MICU3: variants seen among roughly 807,000 people sequenced by gnomAD.
The protein encoded by MICU3 is calcium uptake protein 3, mitochondrial.
A neutral mutation model predicts 66.5 loss-of-function variants in MICU3; 62 were observed. The ratio of observed to expected loss-of-function variants is 0.93; its 90% CI spans 0.76 to 1.15. The LOEUF (loss-of-function observed/expected upper bound fraction) is 1.15. Ranked by LOEUF, MICU3 falls within the 50% of genes most tolerant of loss-of-function variation. MICU3 has a pLI of 0.00. For missense variants in MICU3, 779 were observed against 664.4 expected, an observed-to-expected ratio of 1.17 and a Z score of -1.90; for synonymous variants, 308 against 240.7, an observed-to-expected ratio of 1.28 and a Z score of -2.59.
intron 6 of MICU3, among the ~76,000 whole-genome samples, chr8:17,086,007 G>A (rs954690839): frequency 6.6e-6 from 1 of 151,886 alleles, no homozygotes; most frequent in Non-Finnish European, 1.5e-5. Flanking sequence ...TACTATTAAT[G>A]TATTCCTTAG....
chr8:17,087,432 GAT>G (rs1387238722), intron 7 of MICU3, among the ~76,000 whole-genome samples: 1 of 151,894 alleles, frequency 6.6e-6, no homozygotes, highest in East Asian at 1.9e-4. Context: ...AGAAGGAGAT[GAT>G]ATGTTTTCTT....
rs116534944 is a variant in MICU3 at position 17,067,182 on chromosome 8, T to G, written c.536-2506T>G. Reference sequence around the variant, plus strand: ...AGGAAAAGAATAGAACAATGTTTCATGTACTGAGTATTAAATCAGATATGT... The same window carrying G: ...AGGAAAAGAATAGAACAATGTTTCAGGTACTGAGTATTAAATCAGATATGT... On this transcript the variant is annotated intron_variant, in intron 2 of 14. Transcript: ENST00000318063. 5.6e-3 allele frequency among the ~76,000 whole-genome samples: 850 copies of G among 152,340 alleles called. 8 individuals carry two copies. Among genetic ancestry groups the G allele is most frequent in the African/African-American group, 0.02 (816 of 41,590 alleles).
chr8:17,129,405 A>G, the MICU3 span, among the ~76,000 whole-genome samples: 2,069 of 152,352 alleles, frequency 0.014, 54 homozygotes, highest in African/African-American at 0.047. Flanking sequence ...TTTAAGTAAA[A>G]ATAATAGCAT....
chr8:17,090,495 G>A, intron 7 of MICU3, 51 bp from the exon 8 acceptor site: 1 of 1,526,228 alleles, frequency 6.6e-7, no homozygotes, highest in South Asian at 1.2e-5. Flanking sequence ...GCTGTACTTG[G>A]GTTCATTCTG....
chr8:17,066,517 C>CTATATATATATATATATATA (rs71212675), intron 2 of MICU3, among the ~76,000 whole-genome samples: 30 of 105,008 alleles, frequency 2.9e-4, no homozygotes, highest in African/African-American at 1.1e-3. Flanking sequence ...TGTTAATAAT[C>CTATATATATATATATATATA]TATATATATA....
intron 2 of MICU3, among the ~76,000 whole-genome samples, chr8:17,068,552 T>A (rs1367866323): frequency 2.0e-5 from 3 of 152,196 alleles, no homozygotes; most frequent in Non-Finnish European, 2.9e-5. Context: ...AGTGTCATAG[T>A]TAAGTTTACA....
At chr8:17,049,596 G>C (rs772129681) in intron 1 of MICU3, 5 of 518,566 alleles carry the variant, frequency 9.6e-6, no homozygotes. Context: ...ACTAGGAAGG[G>C]ATGAAGCTGG....
chr8:17,044,778 G>A (rs1814780042), intron 1 of MICU3, among the ~76,000 whole-genome samples: 1 of 152,188 alleles, frequency 6.6e-6, no homozygotes, highest in African/African-American at 2.4e-5. Flanking sequence ...AAATAACATA[G>A]GCTGAAATAA....
intron 8 of MICU3, among the ~76,000 whole-genome samples, chr8:17,096,572 T>C (rs1049830699): frequency 7.9e-5 from 12 of 151,838 alleles, no homozygotes; most frequent in African/African-American, 2.2e-4. Context: ...ATGTTGTTTC[T>C]GCCCTCAGAA....
At chr8:17,073,095 C>G (rs1171139800) in intron 3 of MICU3, among the ~76,000 whole-genome samples, 1 of 152,044 alleles carries the variant, frequency 6.6e-6, no homozygotes, top group Admixed American at 6.6e-5. Flanking sequence ...TTTGCTCTGT[C>G]ACCCAGGCTG....
intron 1 of MICU3, among the ~76,000 whole-genome samples, chr8:17,035,325 G>A (rs1317248377): frequency 3.3e-5 from 5 of 152,244 alleles, no homozygotes; most frequent in African/African-American, 9.6e-5. Flanking sequence ...AAATGTGGAA[G>A]TGACTTTGGA....
intron 1 of MICU3, among the ~76,000 whole-genome samples, chr8:17,048,848 G>A (rs1217474091): frequency 1.3e-5 from 2 of 152,092 alleles, no homozygotes; most frequent in African/African-American, 4.8e-5. Flanking sequence ...CAAACTGCTG[G>A]GCTCAAGTGG....
the MICU3 span, among the ~76,000 whole-genome samples, chr8:17,138,407 T>A: frequency 6.6e-6 from 1 of 152,122 alleles, no homozygotes; most frequent in Admixed American, 6.6e-5. Context: ...GGCAGGGTGG[T>A]GGACCACGAG....
At chr8:17,118,636 C>A (rs1477842476) in intron 13 of MICU3, 71 bp from the exon 14 acceptor site, 1 of 980,732 alleles carries the variant, frequency 1.0e-6, no homozygotes, top group Non-Finnish European at 1.6e-6. Context: ...TTTTTAGATT[C>A]CACATGTAAG....
chr8:17,049,185 A>G (rs1387738595), intron 1 of MICU3, among the ~76,000 whole-genome samples: 2 of 152,166 alleles, frequency 1.3e-5, no homozygotes, highest in Non-Finnish European at 2.9e-5. Context: ...ATTTATGCCT[A>G]GTGTTCCATT....
chr8:17,090,568 A>G lies in MICU3; in HGVS notation c.872A>G (p.His291Arg), dbSNP rs773715005. The change falls in exon 8 of 15, where the codon CAT (histidine) becomes CGT (arginine). Residue 291 changes from histidine (H) to arginine (R), a missense_variant. By Grantham distance (29) the His-to-Arg change is conservative. Transcript: ENST00000318063. ...CAGCGTCTTCAACTTTATGGATACC[A>G]TTCTCCTACTAATAGTGTATGTACA... ...AMLRLQLYGY[H>R]SPTNSVLKTD... 2.9e-5 allele frequency: 46 copies of G among 1,610,756 alleles called. No individual in the cohort carries two copies. The highest frequency in any genetic ancestry group is 3.8e-5 in the Non-Finnish European group (45 of 1,178,056).
At chr8:17,030,062 G>T (rs1811748017) in intron 1 of MICU3, among the ~76,000 whole-genome samples, 1 of 152,050 alleles carries the variant, frequency 6.6e-6, no homozygotes. Flanking sequence ...GAGCGACTTT[G>T]TGTTCTCTGT....
At chr8:17,066,545 T>A (rs200641866) in intron 2 of MICU3, among the ~76,000 whole-genome samples, 43 of 53,970 alleles carry the variant, frequency 8.0e-4, no homozygotes, top group Middle Eastern at 7.1e-3. Flanking sequence ...ATATATAGAT[T>A]TTTTTTTTTT....
At chr8:17,092,210 T>C (rs1800142281) in intron 8 of MICU3, among the ~76,000 whole-genome samples, 1 of 152,064 alleles carries the variant, frequency 6.6e-6, no homozygotes, top group Non-Finnish European at 1.5e-5. Flanking sequence ...ATGTCATCAC[T>C]GTATGAACCA....
Sources: gnomAD v4.1 joint callset for allele counts (sites outside exome capture counted in the v4.1 genomes callset) on GRCh38, gnomAD v4.1.1 for gene constraint, MANE v1.5 for transcripts, NCBI Gene and HGNC (gene_info 2026-07-23, HGNC 2026-07-21) for gene names.